The following CYSLTR2 variants were observed in gnomAD, a reference collection of about 807,000 sequenced individuals.
CYSLTR2 encodes the protein cysteinyl leukotriene receptor 2.
For synonymous variants in CYSLTR2, 179 were observed against 160.8 expected (o/e 1.11, Z -0.86); for missense variants, 398 against 411.9 (o/e 0.97, Z 0.29).
In CYSLTR2 at chr13:48,708,017, A is replaced by T. The variant is rs201470543; in HGVS notation, c.*159A>T. Reference sequence around the variant, plus strand: ...TAATAAGACCTACTTCAAAAATTTTATTCAGTGTATTTTCAGTTGTTGAGT... The same window carrying T: ...TAATAAGACCTACTTCAAAAATTTTTTTCAGTGTATTTTCAGTTGTTGAGT... On this transcript the variant is annotated 3_prime_UTR_variant, in exon 5 of 5. Transcript: ENST00000682523. 1 of 590,752 alleles carries T rather than the reference A, an allele frequency of 1.7e-6. No homozygotes were observed. The highest frequency in any genetic ancestry group is 2.8e-6 in the Non-Finnish European group (1 of 361,560). The allele number at this position is 590,752 out of a possible 1,614,324, so 36.6% of individuals were successfully genotyped here.
chr13:48,710,382 A>T lies in CYSLTR2; in HGVS notation c.*2524A>T, dbSNP rs1345302839. 6.6e-6 allele frequency: 1 copy of T among 152,190 alleles called. No homozygotes were observed. Among genetic ancestry groups the T allele is most frequent in the Non-Finnish European group, 1.5e-5 (1 of 68,038 alleles). 9.4% of individuals were successfully genotyped at this position (152,190 alleles called of 1,614,324 possible). A position where few individuals can be genotyped will look rare whatever the true frequency, so the allele number is the denominator to read the frequency against. On this transcript the variant is annotated 3_prime_UTR_variant, in exon 5 of 5. Transcript: ENST00000682523. Reference sequence around the variant, plus strand: ...TATGCTACCCACCCATGAGTCACTTAGTCATCATCCAGTTGCTCAGATCAA... The same window carrying T: ...TATGCTACCCACCCATGAGTCACTTTGTCATCATCCAGTTGCTCAGATCAA...
At chr13:48,661,295 T>G (rs1953122290) in intron 1 of CYSLTR2, among the ~76,000 whole-genome samples, 1 of 151,968 alleles carries the variant, frequency 6.6e-6, no homozygotes, top group African/African-American at 2.4e-5. Context: ...CCGAGGGAGA[T>G]AAAGTCATTT....
intron 1 of CYSLTR2, among the ~76,000 whole-genome samples, chr13:48,688,214 C>G (rs954746173): frequency 6.6e-6 from 1 of 152,156 alleles, no homozygotes; most frequent in Non-Finnish European, 1.5e-5. Context: ...TCCCAAGTAT[C>G]TGAGATTTCG....
intron 1 of CYSLTR2, among the ~76,000 whole-genome samples, chr13:48,658,784 TC>T (rs1953059413): frequency 6.6e-6 from 1 of 152,058 alleles, no homozygotes; most frequent in Admixed American, 6.6e-5. Context: ...AGACTGAGTG[TC>T]CTTTACTGAG....
Position 48,662,461 on chromosome 13 carries a change from T to C in CYSLTR2, c.-266+8444T>C, listed in dbSNP as rs75028342. ...GTTCTCCATGGTGGCTATACTACTT[T>C]ACAGTCCCACCAACAACACATGAGT... On this transcript the variant is annotated intron_variant, in intron 1 of 4. Coordinates refer to ENST00000682523, the MANE Select transcript of CYSLTR2 (RefSeq NM_001308476.3). Among the ~76,000 whole-genome samples, 1,068 of 152,316 alleles carry C rather than the reference T, an allele frequency of 7.0e-3. 7 individuals carry two copies. Among genetic ancestry groups the C allele is most frequent in the Non-Finnish European group, 0.012 (785 of 68,024 alleles).
rs1566108984 is a variant in CYSLTR2 at position 48,706,973 on chromosome 13, A to C, written c.156A>C (p.Gly52=). Residue 52 remains glycine, a synonymous_variant, in exon 5 of 5, where the codon GGA becomes GGC. Transcript: ENST00000682523. ...PIVYLIIFFW[G]VLGNGLSIYV... ...TATATCTGATAATATTTTTCTGGGG[A>C]GTCTTGGGAAATGGGTTGTCCATAT... is the stretch of plus-strand genomic sequence containing the variant. 3 of 1,614,084 alleles carry C rather than the reference A, an allele frequency of 1.9e-6. No homozygotes were observed. Among genetic ancestry groups the C allele is most frequent in the Non-Finnish European group, 2.5e-6 (3 of 1,180,014 alleles).
intron 1 of CYSLTR2, among the ~76,000 whole-genome samples, chr13:48,680,921 C>T (rs565857293): frequency 2.7e-5 from 4 of 150,178 alleles, no homozygotes; most frequent in African/African-American, 4.9e-5. Context: ...GAGAAAGTGT[C>T]GAACTAAATG....
At chr13:48,682,093 T>C (rs1953771298) in intron 1 of CYSLTR2, among the ~76,000 whole-genome samples, 1 of 152,164 alleles carries the variant, frequency 6.6e-6, no homozygotes, top group Admixed American at 6.5e-5. Flanking sequence ...TTCTCATGCC[T>C]TGTCTCCTTG....
At chr13:48,660,612 A>G (rs183989493) in intron 1 of CYSLTR2, among the ~76,000 whole-genome samples, 2 of 152,284 alleles carry the variant, frequency 1.3e-5, no homozygotes, top group Admixed American at 6.5e-5. Flanking sequence ...CACATTCAAA[A>G]TATGTCACAA....
chr13:48,702,211 G>A (rs1236709118), intron 4 of CYSLTR2, among the ~76,000 whole-genome samples: 1 of 147,034 alleles, frequency 6.8e-6, no homozygotes, highest in Non-Finnish European at 1.5e-5. Flanking sequence ...ATTGAACAAT[G>A]AGAACACTTG....
chr13:48,704,773 A>G (rs1954439368), intron 4 of CYSLTR2, among the ~76,000 whole-genome samples: 1 of 151,802 alleles, frequency 6.6e-6, no homozygotes, highest in African/African-American at 2.4e-5. Flanking sequence ...GCTGCTGTTG[A>G]TTTCTAGTTT....
intron 2 of CYSLTR2, among the ~76,000 whole-genome samples, chr13:48,692,660 C>T (rs1408536795): frequency 2.6e-5 from 4 of 151,140 alleles, no homozygotes; most frequent in Non-Finnish European, 5.9e-5. Context: ...ATTTGTGTTT[C>T]TCTGTATTAA....
At chr13:48,669,744 G>A (rs1953370842) in intron 1 of CYSLTR2, among the ~76,000 whole-genome samples, 1 of 152,192 alleles carries the variant, frequency 6.6e-6, no homozygotes, top group South Asian at 2.1e-4. Flanking sequence ...ACATACATGT[G>A]TATGTGTCTT....
At chr13:48,657,558 G>T (rs902635900) in intron 1 of CYSLTR2, among the ~76,000 whole-genome samples, 1 of 151,310 alleles carries the variant, frequency 6.6e-6, no homozygotes, top group Non-Finnish European at 1.5e-5. Flanking sequence ...GAGGGGAAGG[G>T]AGCTGGTTTA....
intron 1 of CYSLTR2, among the ~76,000 whole-genome samples, chr13:48,683,730 A>C (rs1019593293): frequency 6.6e-6 from 1 of 152,130 alleles, no homozygotes; most frequent in Non-Finnish European, 1.5e-5. Context: ...GAAGCTTTTA[A>C]GTTTAATTAC....
intron 1 of CYSLTR2, among the ~76,000 whole-genome samples, chr13:48,662,042 T>C (rs1327873172): frequency 6.6e-6 from 1 of 152,214 alleles, no homozygotes; most frequent in Non-Finnish European, 1.5e-5. Flanking sequence ...TTCTACTTTT[T>C]ACTTCTATGA....
chr13:48,681,672 A>G (rs1192101127), intron 1 of CYSLTR2, among the ~76,000 whole-genome samples: 1 of 152,132 alleles, frequency 6.6e-6, no homozygotes, highest in Admixed American at 6.5e-5. Flanking sequence ...TACCTTTGAC[A>G]AGGAACTTAC....
At chr13:48,687,300 G>C (rs949459775) in intron 1 of CYSLTR2, among the ~76,000 whole-genome samples, 13 of 151,170 alleles carry the variant, frequency 8.6e-5, no homozygotes, top group Admixed American at 5.9e-4. Flanking sequence ...CTCCATAACT[G>C]TGTGAGCCAA....
chr13:48,664,364 A>G (rs943418026), intron 1 of CYSLTR2, among the ~76,000 whole-genome samples: 3 of 151,966 alleles, frequency 2.0e-5, no homozygotes, highest in African/African-American at 7.2e-5. Context: ...GGAAGAATTA[A>G]TTCCTTCTGC....
Sources: gnomAD v4.1 joint callset for allele counts (sites outside exome capture counted in the v4.1 genomes callset) on GRCh38, gnomAD v4.1.1 for gene constraint, MANE v1.5 for transcripts, NCBI Gene and HGNC (gene_info 2026-07-23, HGNC 2026-07-21) for gene names.